Variants in OPN4 observed in about 807,000 individuals in gnomAD.
OPN4 encodes the protein opsin 4.
Under a neutral mutation model 49.5 loss-of-function variants are expected in OPN4, and 43 were observed. The observed-to-expected ratio is 0.87, with a 90% CI of 0.68 to 1.12. The LOEUF (loss-of-function observed/expected upper bound fraction) is 1.12, where lower values mean the gene tolerates loss of function less well. Among genes scored for constraint, OPN4 ranks in the 50% most tolerant of loss-of-function variants. OPN4 has a pLI of 0.00. For missense variants in OPN4, 657 were observed against 643.9 expected (o/e 1.02, Z -0.22); for synonymous variants, 263 against 258.0 (o/e 1.02, Z -0.19).
At chr10:86,664,758 C>T (rs112459401) in intron 9 of OPN4, among the ~76,000 whole-genome samples, 88 of 152,286 alleles carry the variant, frequency 5.8e-4, no homozygotes, top group African/African-American at 1.7e-3. Context: ...CCGGGGGCCC[C>T]GCACCCTGTC....
intron 8 of OPN4, among the ~76,000 whole-genome samples, chr10:86,662,734 G>T (rs1844044057): frequency 6.6e-6 from 1 of 152,230 alleles, no homozygotes; most frequent in Admixed American, 6.5e-5. Flanking sequence ...ACTCTCCCTA[G>T]AGCCGCAGCC....
At position 86,658,192 on chromosome 10, in the gene OPN4, G is replaced by A. The variant is rs753850060; in HGVS notation, c.424+27G>A. On this transcript the variant is annotated intron_variant, in intron 3 of 9. Transcript: ENST00000241891. Reference sequence around the variant, plus strand: ...TAGATGCTGGGGCTCCCTTTTGCTGGAGGGAGGAGGAGGGTTTTGACCTGG... The same window carrying A: ...TAGATGCTGGGGCTCCCTTTTGCTGAAGGGAGGAGGAGGGTTTTGACCTGG... 3 of 1,608,978 alleles carry A rather than the reference G, an allele frequency of 1.9e-6. No individual in the cohort carries two copies. The South Asian group carries it at 3.3e-5, about 18-fold the overall frequency.
At chr10:86,657,420 C>G (rs545249505) in intron 2 of OPN4, among the ~76,000 whole-genome samples, 29 of 152,278 alleles carry the variant, frequency 1.9e-4, no homozygotes, top group Middle Eastern at 3.4e-3. Flanking sequence ...CCGTGGTGCA[C>G]AGCCATCAGC....
At chr10:86,657,967 C>A in intron 2 of OPN4, 65 bp from the exon 3 acceptor site, 1 of 1,553,964 alleles carries the variant, frequency 6.4e-7, no homozygotes, top group Non-Finnish European at 8.7e-7. Context: ...CTGAGGGGTG[C>A]GGGAAGCTCT....
chr10:86,664,361 T>C (rs1161096043), intron 9 of OPN4, among the ~76,000 whole-genome samples: 1 of 152,158 alleles, frequency 6.6e-6, no homozygotes, highest in Non-Finnish European at 1.5e-5. Context: ...GTGGATGTGC[T>C]CACCATAAAT....
Position 86,663,758 on chromosome 10 carries a change from G to A in OPN4, c.1354G>A (p.Ala452Thr), listed in dbSNP as rs1373102569. The change falls in exon 9 of 10, where the codon GCA becomes ACA. Residue 452 changes from alanine to threonine, a missense_variant. Coordinates refer to ENST00000241891, the MANE Select transcript of OPN4 (RefSeq NM_033282.4). Reference sequence around the variant, plus strand: ...GGGTCTGGAGGACTTGGAAGCCAAGGCACCCCCCAGACCCCAGGGACACGA... The same window carrying A: ...GGGTCTGGAGGACTTGGAAGCCAAGACACCCCCCAGACCCCAGGGACACGA... ...GQGLEDLEAK[A>T]PPRPQGHEAE... The A allele has an allele frequency of 6.4e-7, 1 of 1,563,986 alleles. No individual in the cohort carries two copies. Among genetic ancestry groups the A allele is most frequent in the Non-Finnish European group, 8.7e-7 (1 of 1,154,502 alleles).
At chr10:86,656,016 CTG>C in intron 1 of OPN4, 137 bp from the exon 2 acceptor site, 1 of 1,046,800 alleles carries the variant, frequency 9.6e-7, no homozygotes, top group African/African-American at 1.6e-5. Context: ...CACTTGTGAG[CTG>C]TGTGTGCAAC....
chr10:86,655,961 G>A (rs1210275959), intron 1 of OPN4, among the ~76,000 whole-genome samples, 194 bp from the exon 2 acceptor site: 1 of 152,228 alleles, frequency 6.6e-6, no homozygotes, highest in African/African-American at 2.4e-5. Flanking sequence ...CTAGGAGCTT[G>A]GGCTGGACTT....
chr10:86,656,356 G>C, intron 2 of OPN4, 56 bp downstream of exon 2: 1 of 1,538,060 alleles, frequency 6.5e-7, no homozygotes. Flanking sequence ...CATGCAGACA[G>C]GGAAGAAAAT....
rs200951347 is a variant in OPN4, at chr10:86,659,964, C to A, written c.870C>A (p.Ser290Arg). 1.2e-6 allele frequency: 2 copies of A among 1,614,076 alleles called. No homozygotes were observed. The highest frequency in any genetic ancestry group is 1.7e-6 in the Non-Finnish European group (2 of 1,180,036). ...TGTGGCAGCGGCAGCGGCTGCAGAG[C>A]GAGTGCAAGATGGCCAAGATCATGC... ...ESLWQRQRLQ[S>R]ECKMAKIMLL... The change falls in exon 6 of 10, where the codon AGC becomes AGA. Residue 290 changes from serine (S) to arginine (R), a missense_variant. Transcript: ENST00000241891.
chr10:86,664,933 G>A (rs768217446), intron 9 of OPN4, among the ~76,000 whole-genome samples: 4 of 152,194 alleles, frequency 2.6e-5, no homozygotes, highest in African/African-American at 7.2e-5. Flanking sequence ...TGTGATAAGC[G>A]CTGCCATTGA....
Position 86,657,481 on chromosome 10 carries a change from A to G in OPN4, c.291-551A>G, listed in dbSNP as rs1306955195. Reference sequence around the variant, plus strand: ...CATGAGGATTACAGAGACAGTGTGCAGGGCAGGGTCCAGGCAGGACGTGAC... The same window carrying G: ...CATGAGGATTACAGAGACAGTGTGCGGGGCAGGGTCCAGGCAGGACGTGAC... On this transcript the variant is annotated intron_variant, in intron 2 of 9. Coordinates refer to ENST00000241891, the MANE Select transcript of OPN4 (RefSeq NM_033282.4). 3.9e-5 allele frequency among the ~76,000 whole-genome samples: 6 copies of G among 152,114 alleles called. No individual in the cohort carries two copies. In the East Asian group the frequency reaches 1.2e-3, roughly 29 times the overall value.
At chr10:86,663,836 G>T in intron 9 of OPN4, 34 bp downstream of exon 9, 1 of 1,546,874 alleles carries the variant, frequency 6.5e-7, no homozygotes, top group Non-Finnish European at 8.7e-7. Flanking sequence ...ATCCACAAAG[G>T]GGTGGGGGTT....
rs1024539790 is a variant in OPN4 at position 86,659,428 on chromosome 10, T to C, written c.760T>C (p.Cys254Arg). ...CCTCCCTCTGCTTATCATCATCTACTGCTACATCTTCATCTTCAGGGCCAT... is the reference window on the plus strand; with the variant it reads ...CCTCCCTCTGCTTATCATCATCTACCGCTACATCTTCATCTTCAGGGCCAT... ...FFLPLLIIIYCYIFIFRAIRE... is the reference protein window; with the variant it reads ...FFLPLLIIIYRYIFIFRAIRE... The change falls in exon 5 of 10, where the codon TGC (cysteine) becomes CGC (arginine). Residue 254 changes from cysteine (C) to arginine (R), a missense_variant. Physicochemically the swap from Cys to Arg is radical, Grantham distance 180 (BLOSUM62 -3). Coordinates refer to ENST00000241891, the MANE Select transcript of OPN4 (RefSeq NM_033282.4). The C allele has an allele frequency of 6.2e-7, 1 of 1,614,108 alleles. No homozygotes were observed. The highest frequency in any genetic ancestry group is 8.5e-7 in the Non-Finnish European group (1 of 1,179,988).
intron 6 of OPN4, 70 bp downstream of exon 6, chr10:86,660,129 C>CT (rs1376534559): frequency 1.3e-6 from 2 of 1,549,508 alleles, no homozygotes; most frequent in African/African-American, 2.7e-5. Context: ...CCTGGCCAGC[C>CT]TCTCCTTCCC....
intron 9 of OPN4, 151 bp downstream of exon 9, chr10:86,663,953 T>G (rs1210013425): frequency 1.1e-6 from 1 of 938,804 alleles, no homozygotes; most frequent in Non-Finnish European, 1.6e-6. Flanking sequence ...AGCTTTTCCT[T>G]GTCTGCCTGG....
intron 8 of OPN4, 21 bp downstream of exon 8, chr10:86,662,453 C>T (rs762580542): frequency 6.5e-7 from 1 of 1,537,130 alleles, no homozygotes; most frequent in African/African-American, 1.4e-5. Context: ...TGGGCCCTCA[C>T]CAGCTTGCGC....
Position 86,663,556 on chromosome 10 carries a change from G to A in OPN4, c.1255-103G>A, listed in dbSNP as rs532444734. 18 of 1,137,434 alleles carry A rather than the reference G, an allele frequency of 1.6e-5. No individual in the cohort carries two copies. The East Asian group carries it at 4.8e-4, about 31-fold the overall frequency. 70.5% of individuals were successfully genotyped at this position (1,137,434 alleles called of 1,614,324 possible). On this transcript the variant is annotated intron_variant, in intron 8 of 9. Coordinates refer to ENST00000241891, the MANE Select transcript of OPN4 (RefSeq NM_033282.4). ...AATGGTGTCAGGGGCCTCCCGCAAT[G>A]AATACCTGTTGGGAGGATGAAGGAG... is the stretch of plus-strand genomic sequence containing the variant.
At chr10:86,659,575 G>A in intron 5 of OPN4, 107 bp downstream of exon 5, 1 of 1,428,478 alleles carries the variant, frequency 7.0e-7, no homozygotes, top group Non-Finnish European at 9.3e-7. Flanking sequence ...AGCATGACCA[G>A]TGGGTGAAGG....
Sources: allele counts gnomAD v4.1 joint callset (sites outside exome capture counted in the v4.1 genomes callset), GRCh38; gene constraint gnomAD v4.1.1; transcripts MANE v1.5; gene names NCBI Gene and HGNC (gene_info 2026-07-23, HGNC 2026-07-21).